ANKRD31: variants seen among roughly 807,000 people sequenced by gnomAD.
ANKRD31 encodes the protein ankyrin repeat domain 31.
A neutral mutation model predicts 186.0 loss-of-function variants in ANKRD31; 147 were observed. That is an observed-to-expected ratio of 0.79 (90% CI 0.69 to 0.91). The LOEUF (loss-of-function observed/expected upper bound fraction) is 0.91, where lower values mean the gene tolerates loss of function less well. ANKRD31 is among the 40% of genes least tolerant of loss of function. The pLI, the probability that ANKRD31 is intolerant of heterozygous loss-of-function variation, is 0.00. For synonymous variants in ANKRD31, 673 were observed against 736.4 expected (o/e 0.91, Z 1.39); for missense variants, 1,986 against 2,148.8 (o/e 0.92, Z 1.50).
chr5:75,211,020 T>G (rs951291613), intron 3 of ANKRD31, among the ~76,000 whole-genome samples, 155 bp from the exon 4 acceptor site: 1 of 152,236 alleles, frequency 6.6e-6, no homozygotes, highest in Non-Finnish European at 1.5e-5. Context: ...CTATTTACTA[T>G]CTGTACATTT....
intron 20 of ANKRD31, among the ~76,000 whole-genome samples, chr5:75,109,839 A>C (rs1033599945): frequency 1.3e-5 from 2 of 152,136 alleles, no homozygotes; most frequent in Non-Finnish European, 2.9e-5. Flanking sequence ...GAAAAAAAAA[A>C]TAGAAGCTGA....
In ANKRD31 at chr5:75,154,360, T is replaced by C. The variant is rs1752024873; in HGVS notation, c.1708-15A>G. Reference sequence around the variant, plus strand: ...AACTCTGCCACCTAGAAAAAGGTTATTTATGTAAGGGAACCCAGATTGAGG... The same window carrying C: ...AACTCTGCCACCTAGAAAAAGGTTACTTATGTAAGGGAACCCAGATTGAGG... On this transcript the variant is annotated splice_polypyrimidine_tract_variant and intron_variant, in intron 11 of 25. Coordinates refer to ENST00000506364, the MANE Select transcript of ANKRD31 (RefSeq NM_001372053.1). 6.6e-7 allele frequency: 1 copy of C among 1,525,036 alleles called. No homozygotes were observed. The highest frequency in any genetic ancestry group is 1.2e-5 in the South Asian group (1 of 82,130). The allele number at this position is 1,525,036 out of a possible 1,614,324, so 94.5% of individuals were successfully genotyped here. A position where few individuals can be genotyped will look rare whatever the true frequency, so the allele number is the denominator to read the frequency against.
At position 75,193,540 on chromosome 5, in the gene ANKRD31, T is replaced by A; in HGVS notation, c.1069A>T (p.Ile357Phe). ...SGLQTLAHQN[I>F]TSCEPLSNKR... ...TTACTTAGTGGCTCACAAGAAGTGATATTTTGATGAGCCAAAGTTTGCAAT... is the reference window on the plus strand; with the variant it reads ...TTACTTAGTGGCTCACAAGAAGTGAAATTTTGATGAGCCAAAGTTTGCAAT... The change falls in exon 8 of 26, where the codon ATC (isoleucine) becomes TTC (phenylalanine). Residue 357 changes from isoleucine (I) to phenylalanine (F), a missense_variant. Ile to Phe is a conservative substitution (Grantham distance 21, BLOSUM62 0). Coordinates refer to ENST00000506364, the MANE Select transcript of ANKRD31 (RefSeq NM_001372053.1). 1 of 1,536,872 alleles carries A rather than the reference T, an allele frequency of 6.5e-7. No homozygotes were observed. The highest frequency in any genetic ancestry group is 8.7e-7 in the Non-Finnish European group (1 of 1,146,656).
chr5:75,071,659 C>T (rs11955646), intron 25 of ANKRD31, among the ~76,000 whole-genome samples: 1 of 152,010 alleles, frequency 6.6e-6, no homozygotes, highest in Non-Finnish European at 1.5e-5. Flanking sequence ...CCACGCCCGG[C>T]TAATTTTTTT....
intron 17 of ANKRD31, among the ~76,000 whole-genome samples, chr5:75,133,962 A>C (rs1470108564): frequency 6.6e-6 from 1 of 152,200 alleles, no homozygotes; most frequent in Admixed American, 6.5e-5. Flanking sequence ...GTTCTTGGAA[A>C]CCAACGAGAA....
At chr5:75,225,866 C>T (rs1252327677) in intron 2 of ANKRD31, among the ~76,000 whole-genome samples, 1 of 152,184 alleles carries the variant, frequency 6.6e-6, no homozygotes, top group African/African-American at 2.4e-5. Context: ...CTTTTGGGAT[C>T]ACTGATTCAA....
chr5:75,124,436 T>C (rs1422952236), intron 17 of ANKRD31, among the ~76,000 whole-genome samples: 3 of 152,156 alleles, frequency 2.0e-5, no homozygotes, highest in African/African-American at 4.8e-5. Flanking sequence ...ACTGGGTATA[T>C]ACCCACAGGA....
intron 2 of ANKRD31, among the ~76,000 whole-genome samples, chr5:75,229,222 A>G (rs1757803556): frequency 1.3e-5 from 2 of 152,216 alleles, no homozygotes; most frequent in Admixed American, 1.3e-4. Flanking sequence ...TGTTTGGTGA[A>G]TTGGTAGAAG....
intron 7 of ANKRD31, among the ~76,000 whole-genome samples, chr5:75,193,852 A>T (rs1755284048): frequency 6.6e-6 from 1 of 152,144 alleles, no homozygotes; most frequent in African/African-American, 2.4e-5. Flanking sequence ...TCAAAGGCAA[A>T]TCTATGGTCA....
At chr5:75,133,732 A>G (rs879041183) in intron 17 of ANKRD31, among the ~76,000 whole-genome samples, 1 of 152,132 alleles carries the variant, frequency 6.6e-6, no homozygotes, top group African/African-American at 2.4e-5. Context: ...GCACCACACC[A>G]CACCTATTCC....
chr5:75,080,126 T>A (rs1744971975), intron 25 of ANKRD31, among the ~76,000 whole-genome samples: 2 of 151,570 alleles, frequency 1.3e-5, no homozygotes, highest in South Asian at 4.1e-4. Flanking sequence ...TAAGTTCAGA[T>A]AAAGGAGATA....
intron 25 of ANKRD31, among the ~76,000 whole-genome samples, chr5:75,072,835 A>G (rs1744349883): frequency 2.0e-5 from 3 of 152,206 alleles, no homozygotes; most frequent in Admixed American, 2.0e-4. Flanking sequence ...AAAACTTCCA[A>G]TACATGAGGG....
chr5:75,172,427 A>T (rs1174496348), intron 10 of ANKRD31, among the ~76,000 whole-genome samples: 1 of 151,754 alleles, frequency 6.6e-6, no homozygotes, highest in East Asian at 1.9e-4. Context: ...AAAAAAACTT[A>T]AAAAAATCAA....
intron 23 of ANKRD31, among the ~76,000 whole-genome samples, chr5:75,085,352 C>T (rs746470487): frequency 2.0e-5 from 3 of 151,926 alleles, no homozygotes; most frequent in Non-Finnish European, 4.4e-5. Context: ...ACTCTGAAGT[C>T]CCGGCTCCTT....
chr5:75,135,094 T>C (rs539477764), intron 17 of ANKRD31, among the ~76,000 whole-genome samples: 1 of 152,302 alleles, frequency 6.6e-6, no homozygotes, highest in East Asian at 1.9e-4. Flanking sequence ...GCATTCCCTT[T>C]GAAAACTGGC....
chr5:75,233,638 G>A (rs565941489), intron 1 of ANKRD31, among the ~76,000 whole-genome samples: 11 of 151,968 alleles, frequency 7.2e-5, no homozygotes, highest in East Asian at 1.9e-4. Context: ...AATAAGGGCC[G>A]GGCACAGTGA....
intron 3 of ANKRD31, among the ~76,000 whole-genome samples, chr5:75,217,361 T>C (rs900232244): frequency 2.0e-5 from 3 of 152,180 alleles, no homozygotes; most frequent in Non-Finnish European, 2.9e-5. Flanking sequence ...TCCAAGTCTC[T>C]TCTTAGGTCT....
intron 19 of ANKRD31, among the ~76,000 whole-genome samples, chr5:75,115,086 C>T (rs1274640422): frequency 2.6e-5 from 4 of 151,642 alleles, no homozygotes; most frequent in Non-Finnish European, 5.9e-5. Context: ...CAGAACAGAG[C>T]CCTCAGAAAT....
intron 17 of ANKRD31, among the ~76,000 whole-genome samples, chr5:75,136,498 A>G (rs953254965): frequency 6.6e-6 from 1 of 152,244 alleles, no homozygotes; most frequent in Non-Finnish European, 1.5e-5. Flanking sequence ...GGCCATCATT[A>G]AAAAGTCAGG....
Sources: gnomAD v4.1 joint callset for allele counts (sites outside exome capture counted in the v4.1 genomes callset) on GRCh38, gnomAD v4.1.1 for gene constraint, MANE v1.5 for transcripts, NCBI Gene and HGNC (gene_info 2026-07-23, HGNC 2026-07-21) for gene names.